Variants in NCK1 observed in about 807,000 individuals in gnomAD.
The protein encoded by NCK1 is SH2/SH3 adapter protein NCK1.
NCK1 carries 19 observed loss-of-function variants against 36.6 expected under a neutral mutation model. The ratio of observed to expected loss-of-function variants is 0.52; its 90% CI spans 0.36 to 0.76. The LOEUF is 0.76. Among genes scored for constraint, NCK1 ranks in the 30% least tolerant of loss-of-function variants. The pLI, the probability that NCK1 is intolerant of heterozygous loss-of-function variation, is 0.00. For missense variants in NCK1, 358 were observed against 445.6 expected (o/e 0.80, Z 1.77); for synonymous variants, 165 against 156.0 (o/e 1.06, Z -0.43).
intron 1 of NCK1, among the ~76,000 whole-genome samples, chr3:136,889,554 C>G (rs1278882787): frequency 1.3e-5 from 2 of 152,110 alleles, no homozygotes; most frequent in Non-Finnish European, 1.5e-5. Context: ...CGGGTTGCCA[C>G]TGCTGGCTCG....
rs1317558695 is a variant in NCK1 at position 136,950,077 on chromosome 3, G to C, written c.*1624G>C. Among the ~76,000 whole-genome samples the C allele has an allele frequency of 1.3e-5, 2 of 151,954 alleles. No homozygotes were observed. Among genetic ancestry groups the C allele is most frequent in the African/African-American group, 2.4e-5 (1 of 41,390 alleles). Reference sequence around the variant, plus strand: ...AATTATTAGTAGTTAAGTTTTTAATGGAAATAAAAATCATGTATGCTTATC... The same window carrying C: ...AATTATTAGTAGTTAAGTTTTTAATCGAAATAAAAATCATGTATGCTTATC... On this transcript the variant is annotated 3_prime_UTR_variant, in exon 4 of 4. Transcript: ENST00000481752.
intron 1 of NCK1, among the ~76,000 whole-genome samples, chr3:136,894,166 A>G (rs1397176859): frequency 6.6e-6 from 1 of 152,150 alleles, no homozygotes; most frequent in African/African-American, 2.4e-5. Context: ...CATAGTGACC[A>G]AGTGGTGGTT....
chr3:136,945,719 A>G lies in NCK1; in HGVS notation c.363A>G (p.Arg121=). The G allele has an allele frequency of 6.2e-7, 1 of 1,614,150 alleles. No homozygotes were observed. The highest frequency in any genetic ancestry group is 8.5e-7 in the Non-Finnish European group (1 of 1,180,026). ...TGAAATTTAACTACATGGCTGAGAG[A>G]GAGGATGAATTATCATTGATAAAGG... ...AYVKFNYMAE[R]EDELSLIKGT... Residue 121 remains arginine (R), a synonymous_variant, in exon 3 of 4, where the codon AGA becomes AGG. Coordinates refer to ENST00000481752, the MANE Select transcript of NCK1 (RefSeq NM_001291999.2).
chr3:136,895,464 A>G (rs1939368952), intron 1 of NCK1, among the ~76,000 whole-genome samples: 1 of 152,034 alleles, frequency 6.6e-6, no homozygotes, highest in African/African-American at 2.4e-5. Context: ...TTTAAAAAAA[A>G]GGTTTGTCAG....
chr3:136,873,383 G>A (rs1244820841), intron 1 of NCK1, among the ~76,000 whole-genome samples: 3 of 152,172 alleles, frequency 2.0e-5, no homozygotes, highest in Admixed American at 1.3e-4. Flanking sequence ...TGGAATGGCT[G>A]TATTTACCCA....
chr3:136,925,129 T>G (rs993248453), intron 1 of NCK1, among the ~76,000 whole-genome samples: 1 of 152,124 alleles, frequency 6.6e-6, no homozygotes, highest in African/African-American at 2.4e-5. Context: ...TTATATAAAT[T>G]TTTAGTTATT....
At chr3:136,884,272 G>A (rs937447580) in intron 1 of NCK1, among the ~76,000 whole-genome samples, 1 of 152,138 alleles carries the variant, frequency 6.6e-6, no homozygotes, top group Non-Finnish European at 1.5e-5. Flanking sequence ...AAGAAAGAGG[G>A]ATGATTAAGT....
At chr3:136,888,101 C>T (rs1324625336) in intron 1 of NCK1, among the ~76,000 whole-genome samples, 8 of 151,928 alleles carry the variant, frequency 5.3e-5, no homozygotes, top group Admixed American at 1.3e-4. Context: ...TCTGCCAGCA[C>T]GCCTGGCTAA....
At chr3:136,905,007 C>CTTTTTTTTTTTTTTTT (rs71304270) in intron 1 of NCK1, among the ~76,000 whole-genome samples, 4 of 128,332 alleles carry the variant, frequency 3.1e-5, no homozygotes, top group Admixed American at 1.6e-4. Flanking sequence ...TTGGTTTTTC[C>CTTTTTTTTTTTTTTTT]TTTTTTTTTT....
intron 1 of NCK1, among the ~76,000 whole-genome samples, chr3:136,867,901 C>G (rs537348669): frequency 6.9e-6 from 1 of 145,804 alleles, no homozygotes; most frequent in South Asian, 2.3e-4. Context: ...GGCAGGGGAA[C>G]CTTCATATTT....
At chr3:136,891,730 TAAC>T (rs1472627874) in intron 1 of NCK1, among the ~76,000 whole-genome samples, 1 of 152,236 alleles carries the variant, frequency 6.6e-6, no homozygotes, top group Admixed American at 6.5e-5. Context: ...TTTTTAATAA[TAAC>T]CATGGTGATG....
At chr3:136,896,104 C>T (rs1327546695) in intron 1 of NCK1, among the ~76,000 whole-genome samples, 3 of 152,116 alleles carry the variant, frequency 2.0e-5, no homozygotes, top group Admixed American at 6.6e-5. Context: ...TTTGGGATAT[C>T]TATCACCTTG....
At chr3:136,905,297 A>G (rs1164259115) in intron 1 of NCK1, among the ~76,000 whole-genome samples, 1 of 151,816 alleles carries the variant, frequency 6.6e-6, no homozygotes, top group Non-Finnish European at 1.5e-5. Context: ...GCTGGGATTG[A>G]TTACAGGCAT....
At chr3:136,863,013 T>C (rs550705135) in intron 1 of NCK1, among the ~76,000 whole-genome samples, 74 of 79,698 alleles carry the variant, frequency 9.3e-4, no homozygotes, top group African/African-American at 2.8e-3. Context: ...ATAGGTTTTG[T>C]AACCTTTCTT....
intron 2 of NCK1, among the ~76,000 whole-genome samples, chr3:136,943,406 G>C (rs1332945766): frequency 6.6e-6 from 1 of 152,216 alleles, no homozygotes; most frequent in Admixed American, 6.5e-5. Context: ...TTGAGGTACT[G>C]ATGGCACAAT....
At chr3:136,863,828 G>A (rs1252682013) in intron 1 of NCK1, among the ~76,000 whole-genome samples, 1 of 151,950 alleles carries the variant, frequency 6.6e-6, no homozygotes, top group Non-Finnish European at 1.5e-5. Context: ...GAGTCCAGGC[G>A]GGGTAGCTCA....
chr3:136,889,836 C>T (rs149503827), intron 1 of NCK1, among the ~76,000 whole-genome samples: 13,200 of 152,176 alleles, frequency 0.087, 1,885 homozygotes, highest in African/African-American at 0.3. Flanking sequence ...GTTTACAAAC[C>T]TTGAGCTAGA....
At chr3:136,893,147 A>AGTGTGTGTGC (rs1939293028) in intron 1 of NCK1, among the ~76,000 whole-genome samples, 12 of 41,930 alleles carry the variant, frequency 2.9e-4, no homozygotes, top group African/African-American at 8.7e-4. Context: ...AATATTCCAT[A>AGTGTGTGTGC]GTGTGTGTGT....
chr3:136,897,550 T>G (rs1939422389), intron 1 of NCK1, among the ~76,000 whole-genome samples: 1 of 152,244 alleles, frequency 6.6e-6, no homozygotes, highest in South Asian at 2.1e-4. Context: ...ATTCATGTCC[T>G]TAGCCTACTT....
Sources: allele counts gnomAD v4.1 joint callset (sites outside exome capture counted in the v4.1 genomes callset), GRCh38; gene constraint gnomAD v4.1.1; transcripts MANE v1.5; gene names NCBI Gene and HGNC (gene_info 2026-07-23, HGNC 2026-07-21).